The following TRAF3IP1 variants were observed in gnomAD, a reference collection of about 807,000 sequenced individuals.
TRAF3IP1 encodes the protein intraflagellar transport 54, also known as TRAF3-interacting protein 1.
A neutral mutation model predicts 89.9 loss-of-function variants in TRAF3IP1; 53 were observed. The observed-to-expected ratio is 0.59, with a 90% CI of 0.47 to 0.74. The LOEUF is 0.74. TRAF3IP1 is among the 30% of genes least tolerant of loss of function. The pLI, the probability that TRAF3IP1 is intolerant of heterozygous loss-of-function variation, is 0.00. For missense variants in TRAF3IP1, 806 were observed against 866.1 expected (o/e 0.93, Z 0.87); for synonymous variants, 311 against 322.1 (o/e 0.97, Z 0.37).
chr2:238,377,686 T>C (rs1700378129), intron 15 of TRAF3IP1, among the ~76,000 whole-genome samples: 1 of 151,748 alleles, frequency 6.6e-6, no homozygotes, highest in Admixed American at 6.6e-5. Context: ...ATGATCCTTA[T>C]TTTTTTTAGT....
In TRAF3IP1 at chr2:238,321,177, C is replaced by G. The variant is rs79262707; in HGVS notation, c.123+392C>G. Among the ~76,000 whole-genome samples, 444 of 152,334 alleles carry G rather than the reference C, an allele frequency of 2.9e-3. 4 individuals are homozygous for G. Among genetic ancestry groups the G allele is most frequent in the African/African-American group, 0.01 (419 of 41,580 alleles). Reference sequence around the variant, plus strand: ...CCGCCGCTTACAAGGAGGCTCCGGGCCCTCAGGAGCATTCTTACTTCTTCC... The same window carrying G: ...CCGCCGCTTACAAGGAGGCTCCGGGGCCTCAGGAGCATTCTTACTTCTTCC... On this transcript the variant is annotated intron_variant, in intron 1 of 16. Coordinates refer to ENST00000373327, the MANE Select transcript of TRAF3IP1 (RefSeq NM_015650.4).
chr2:238,329,915 T>C (rs1267058271), intron 5 of TRAF3IP1, among the ~76,000 whole-genome samples: 4 of 152,222 alleles, frequency 2.6e-5, no homozygotes. Flanking sequence ...CAGGAAAATA[T>C]TAAATGCTTG....
chr2:238,364,727 T>A (rs1001064815), intron 15 of TRAF3IP1, among the ~76,000 whole-genome samples: 2 of 152,218 alleles, frequency 1.3e-5, no homozygotes, highest in Non-Finnish European at 2.9e-5. Flanking sequence ...GTACTTCTTT[T>A]TGTAGATTTC....
intron 15 of TRAF3IP1, among the ~76,000 whole-genome samples, chr2:238,367,577 C>T (rs1336264145): frequency 1.3e-5 from 2 of 152,194 alleles, no homozygotes; most frequent in Non-Finnish European, 2.9e-5. Context: ...AGCTCTTGCT[C>T]CTCGTGGGAC....
intron 15 of TRAF3IP1, among the ~76,000 whole-genome samples, chr2:238,390,955 TC>T (rs1700969831): frequency 6.6e-6 from 1 of 152,128 alleles, no homozygotes; most frequent in Non-Finnish European, 1.5e-5. Context: ...CCTTTTCTTT[TC>T]TTTTTTCTTT....
chr2:238,347,846 C>T (rs1339194359), intron 10 of TRAF3IP1, among the ~76,000 whole-genome samples: 4 of 152,034 alleles, frequency 2.6e-5, no homozygotes, highest in Admixed American at 2.6e-4. Flanking sequence ...AAGCTGGTCT[C>T]GAACTCCTGA....
chr2:238,349,516 A>T (rs6717727), intron 12 of TRAF3IP1, 108 bp downstream of exon 12: 2 of 1,154,058 alleles, frequency 1.7e-6, no homozygotes, highest in East Asian at 5.1e-5. Context: ...TGCTGGAAAC[A>T]TGCTATTGAG....
In TRAF3IP1 at chr2:238,398,803, G is replaced by C; in HGVS notation, c.1960G>C (p.Glu654Gln). ...EPLKAELAELEQLIKDQQDKI... is the reference protein window; with the variant it reads ...EPLKAELAELQQLIKDQQDKI... ...CTTAAAGGCTGAGCTCGCGGAGCTG[G>C]AGCAGCTGATCAAAGACCAGCAAGA... is the stretch of plus-strand genomic sequence containing the variant. Residue 654 changes from glutamate to glutamine, a missense_variant, in exon 17 of 17, where the codon GAG becomes CAG. Transcript: ENST00000373327. The C allele has an allele frequency of 1.2e-6, 2 of 1,612,988 alleles. No individual in the cohort carries two copies. Among genetic ancestry groups the C allele is most frequent in the Non-Finnish European group, 1.7e-6 (2 of 1,179,622 alleles).
At chr2:238,361,466 CTGGT>C in intron 15 of TRAF3IP1, among the ~76,000 whole-genome samples, 1 of 151,948 alleles carries the variant, frequency 6.6e-6, no homozygotes, top group South Asian at 2.1e-4. Context: ...CTGTCCTATC[CTGGT>C]TGTAAAGGTA....
chr2:238,358,972 G>C (rs1699544138), intron 15 of TRAF3IP1, among the ~76,000 whole-genome samples: 1 of 152,244 alleles, frequency 6.6e-6, no homozygotes, highest in African/African-American at 2.4e-5. Context: ...TTTTGAGCCA[G>C]ATGGTCTCTT....
In TRAF3IP1 at chr2:238,329,196, A is replaced by C. The variant is rs755084625; in HGVS notation, c.769A>C (p.Lys257Gln). Residue 257 changes from lysine to glutamine, a missense_variant, in exon 5 of 17, where the codon AAA becomes CAA. Physicochemically the swap from Lys to Gln is moderately conservative, Grantham distance 53. Coordinates refer to ENST00000373327, the MANE Select transcript of TRAF3IP1 (RefSeq NM_015650.4). Reference sequence around the variant, plus strand: ...GACAGAGAGAAAGAGTGAGGGGGGGAAAGAGAAGGAGAGACTGAGAGACAG... The same window carrying C: ...GACAGAGAGAAAGAGTGAGGGGGGGCAAGAGAAGGAGAGACTGAGAGACAG... ...KETERKSEGG[K>Q]EKERLRDRDR... is the part of the protein sequence containing the mutation. The C allele has an allele frequency of 7.0e-6, 11 of 1,570,194 alleles. No homozygotes were observed. The highest frequency in any genetic ancestry group is 1.7e-4 in the Middle Eastern group (1 of 5,796).
Position 238,352,908 on chromosome 2 carries a change from G to A in TRAF3IP1, c.1533G>A (p.Val511=), listed in dbSNP as rs370545979. 103 of 1,613,810 alleles carry A rather than the reference G, an allele frequency of 6.4e-5. 1 individual carries two copies. In the Middle Eastern group the frequency reaches 9.9e-4, roughly 15 times the overall value. Residue 511 remains valine (V), a synonymous_variant, in exon 13 of 17, where the codon GTG becomes GTA. Coordinates refer to ENST00000373327, the MANE Select transcript of TRAF3IP1 (RefSeq NM_015650.4). Reference sequence around the variant, plus strand: ...ATGAAGAGGATGATCAATTTGTGGTGGAAGCTGCCCCTCAGCTCTCTGAAA... The same window carrying A: ...ATGAAGAGGATGATCAATTTGTGGTAGAAGCTGCCCCTCAGCTCTCTGAAA... The part of the protein sequence containing the change: ...SDNEEDDQFV[V]EAAPQLSEMS...
chr2:238,334,664 G>A (rs1302909167), intron 7 of TRAF3IP1, among the ~76,000 whole-genome samples: 1 of 152,238 alleles, frequency 6.6e-6, no homozygotes, highest in Non-Finnish European at 1.5e-5. Flanking sequence ...TTCCTAAAGT[G>A]TGTAAGTTAA....
At chr2:238,394,026 C>G (rs1701106798) in intron 15 of TRAF3IP1, among the ~76,000 whole-genome samples, 1 of 152,086 alleles carries the variant, frequency 6.6e-6, no homozygotes, top group Admixed American at 6.5e-5. Flanking sequence ...TGGTGAAATC[C>G]CATGTCTACT....
intron 3 of TRAF3IP1, among the ~76,000 whole-genome samples, chr2:238,326,187 C>T (rs141492522): frequency 0.012 from 1,886 of 152,318 alleles, 12 homozygotes; most frequent in Non-Finnish European, 0.019. Context: ...GTATGTAATA[C>T]GCAAGTTCTG....
At position 238,397,402 on chromosome 2, in the gene TRAF3IP1, T is replaced by C. The variant is rs575055322; in HGVS notation, c.1690-57T>C. 4.5e-4 allele frequency: 686 copies of C among 1,532,358 alleles called. 3 individuals carry two copies. In the African/African-American group the frequency reaches 8.3e-3, roughly 18 times the overall value. 94.9% of individuals were successfully genotyped at this position (1,532,358 alleles called of 1,614,324 possible). On this transcript the variant is annotated intron_variant, in intron 15 of 16. Coordinates refer to ENST00000373327, the MANE Select transcript of TRAF3IP1 (RefSeq NM_015650.4). ...GGCCGTGTGCTGAGTGCACCGGCCC[T>C]GTTCTGCCTTTGGACTGAGGAGGCG... is the stretch of plus-strand genomic sequence containing the variant.
chr2:238,355,883 G>A (rs1699382109), intron 14 of TRAF3IP1, 121 bp from the exon 15 acceptor site: 1 of 717,502 alleles, frequency 1.4e-6, no homozygotes, highest in Admixed American at 2.5e-5. Flanking sequence ...ATTTGAAACT[G>A]TTTCAGCATA....
rs752223651 is a variant in TRAF3IP1 at position 238,329,094 on chromosome 2, C to A, written c.667C>A (p.Arg223=). 3 of 1,550,678 alleles carry A rather than the reference C, an allele frequency of 1.9e-6. No homozygotes were observed. Among genetic ancestry groups the A allele is most frequent in the Admixed American group, 2.0e-5 (1 of 50,816 alleles). Residue 223 remains arginine, a synonymous_variant, in exon 5 of 17, where the codon CGG becomes AGG. Coordinates refer to ENST00000373327, the MANE Select transcript of TRAF3IP1 (RefSeq NM_015650.4). ...AGGGGAGAGAGAGAGAGCCAAAGCC[C>A]GGGCCAGGCCAGACAACGAGCGACA... ...REGERERAKA[R]ARPDNERQKD...
At chr2:238,322,191 G>T (rs1449540613) in intron 1 of TRAF3IP1, among the ~76,000 whole-genome samples, 2 of 152,254 alleles carry the variant, frequency 1.3e-5, no homozygotes, top group Non-Finnish European at 2.9e-5. Flanking sequence ...GAGGGAACAA[G>T]AGCCAGTGTG....
Sources: gnomAD v4.1 joint callset for allele counts (sites outside exome capture counted in the v4.1 genomes callset) on GRCh38, gnomAD v4.1.1 for gene constraint, MANE v1.5 for transcripts, NCBI Gene and HGNC (gene_info 2026-07-23, HGNC 2026-07-21) for gene names.